CLSTN1: variants seen among roughly 807,000 people sequenced by gnomAD.
CLSTN1 encodes calsyntenin 1.
In CLSTN1, 28 loss-of-function variants were observed where a neutral mutation model predicts 108.3. The observed-to-expected ratio is 0.26, with a 90% CI of 0.19 to 0.35. CLSTN1 has a LOEUF of 0.35. CLSTN1 is among the 10% of genes least tolerant of loss of function. CLSTN1 has a pLI of 1.00. For synonymous variants in CLSTN1, 524 were observed against 534.9 expected (o/e 0.98, Z 0.28); for missense variants, 1,157 against 1,302.6 (o/e 0.89, Z 1.72).
intron 16 of CLSTN1, among the ~76,000 whole-genome samples, chr1:9,732,960 G>A (rs1167116417): frequency 6.6e-6 from 1 of 152,242 alleles, no homozygotes; most frequent in Non-Finnish European, 1.5e-5. Context: ...GGAGGCCAAG[G>A]CAAGTGGATT....
intron 1 of CLSTN1, among the ~76,000 whole-genome samples, chr1:9,811,002 T>G (rs1349456523): frequency 6.6e-6 from 1 of 152,160 alleles, no homozygotes; most frequent in African/African-American, 2.4e-5. Flanking sequence ...CACTGCCATA[T>G]GCATTACTTT....
chr1:9,776,074 G>A (rs1652930468), intron 1 of CLSTN1, among the ~76,000 whole-genome samples: 1 of 151,752 alleles, frequency 6.6e-6, no homozygotes, highest in Non-Finnish European at 1.5e-5. Context: ...TCAGGTTCAA[G>A]CAATTCTCCT....
chr1:9,813,895 C>G (rs887281657), intron 1 of CLSTN1, among the ~76,000 whole-genome samples: 1 of 151,384 alleles, frequency 6.6e-6, no homozygotes, highest in Non-Finnish European at 1.5e-5. Flanking sequence ...GTGAGGAGAT[C>G]GAGACCATCC....
At chr1:9,766,817 AC>A (rs1443320089) in intron 2 of CLSTN1, among the ~76,000 whole-genome samples, 1 of 152,220 alleles carries the variant, frequency 6.6e-6, no homozygotes, top group Non-Finnish European at 1.5e-5. Context: ...TCAGAATTTC[AC>A]CCCAAGGAAA....
At chr1:9,774,586 CT>C (rs1652847140) in intron 1 of CLSTN1, among the ~76,000 whole-genome samples, 1 of 151,736 alleles carries the variant, frequency 6.6e-6, no homozygotes, top group Non-Finnish European at 1.5e-5. Context: ...AAATAATCCA[CT>C]TTTGAGTTAG....
chr1:9,759,549 T>A (rs2101125341), intron 2 of CLSTN1, among the ~76,000 whole-genome samples: 1 of 152,372 alleles, frequency 6.6e-6, no homozygotes, highest in African/African-American at 2.4e-5. Context: ...CCCAAAGTGC[T>A]GAGATTACTG....
At chr1:9,731,648 G>T in intron 17 of CLSTN1, 113 bp downstream of exon 17, 2 of 1,112,876 alleles carry the variant, frequency 1.8e-6, no homozygotes, top group Non-Finnish European at 2.7e-6. Context: ...GGGAATAATT[G>T]GGACAGGGAA....
chr1:9,789,744 T>A (rs546885604), intron 1 of CLSTN1, among the ~76,000 whole-genome samples: 26 of 151,622 alleles, frequency 1.7e-4, no homozygotes, highest in African/African-American at 6.0e-4. Flanking sequence ...TTTGGGAGGC[T>A]AAGGAGAGTG....
intron 1 of CLSTN1, among the ~76,000 whole-genome samples, chr1:9,799,575 AC>A (rs1221935644): frequency 6.6e-6 from 1 of 151,272 alleles, no homozygotes; most frequent in Non-Finnish European, 1.5e-5. Context: ...CGGGAGGCAG[AC>A]TATGCAGTGA....
chr1:9,776,448 A>G (rs964280187), intron 1 of CLSTN1, among the ~76,000 whole-genome samples: 6 of 152,110 alleles, frequency 3.9e-5, no homozygotes, highest in African/African-American at 1.4e-4. Context: ...GTTGCACAAT[A>G]GTGTGAATGT....
chr1:9,734,860 C>A lies in CLSTN1; in HGVS notation c.2110+88G>T. Reference sequence around the variant, plus strand: ...GAAAGATTAAAACCTCCCCAAATCCCACAGAGACAAAGAGCCCCGCCAAGT... The same window carrying A: ...GAAAGATTAAAACCTCCCCAAATCCAACAGAGACAAAGAGCCCCGCCAAGT... On this transcript the variant is annotated intron_variant, in intron 14 of 18. Transcript: ENST00000377298. The surrounding 1 kb of genome is among the most constrained non-coding windows in gnomAD (Gnocchi z 4.8). 8.7e-7 allele frequency: 1 copy of A among 1,143,518 alleles called. No homozygotes were observed. The highest frequency in any genetic ancestry group is 1.3e-5 in the South Asian group (1 of 78,706). The allele number at this position is 1,143,518 out of a possible 1,614,324, so 70.8% of individuals were successfully genotyped here.
Position 9,730,734 on chromosome 1 carries a change from G to A in CLSTN1, c.2749-29C>T, listed in dbSNP as rs543526515. On this transcript the variant is annotated intron_variant, in intron 18 of 18. Coordinates refer to ENST00000377298, the MANE Select transcript of CLSTN1 (RefSeq NM_001009566.3). This position sits in a 1 kb window ranked among gnomAD's most constrained non-coding sequence, Gnocchi z 5.6. ...GCAAGGAGAAGTGACGGCCACATGA[G>A]TCCGGCCCTGCCCACAGCCCCGTCA... 1.5e-5 allele frequency: 24 copies of A among 1,560,066 alleles called. No homozygotes were observed. In the South Asian group the frequency reaches 2.8e-4, roughly 18 times the overall value.
chr1:9,763,749 G>A lies in CLSTN1; in HGVS notation c.215-7239C>T, dbSNP rs531825703. On this transcript the variant is annotated intron_variant, in intron 2 of 18. Transcript: ENST00000377298. ...AATCCTGTGCTCCTCTATACCCCAC[G>A]CCACACAAGCTGACCTGGTCACCTA... 5.9e-5 allele frequency among the ~76,000 whole-genome samples: 9 copies of A among 152,168 alleles called. No homozygotes were observed. The South Asian group carries it at 6.2e-4, about 11-fold the overall frequency.
intron 2 of CLSTN1, among the ~76,000 whole-genome samples, chr1:9,764,849 C>T (rs1652250600): frequency 6.6e-6 from 1 of 151,668 alleles, no homozygotes; most frequent in Non-Finnish European, 1.5e-5. Context: ...AACTTTTACA[C>T]TTTTTTTTAT....
intron 1 of CLSTN1, among the ~76,000 whole-genome samples, chr1:9,818,822 T>G (rs1227670637): frequency 7.2e-6 from 1 of 139,224 alleles, no homozygotes. Flanking sequence ...AGTCTCACTC[T>G]GTCGCCCAGG....
intron 1 of CLSTN1, among the ~76,000 whole-genome samples, chr1:9,818,617 G>T (rs933099585): frequency 6.6e-6 from 1 of 151,864 alleles, no homozygotes; most frequent in Non-Finnish European, 1.5e-5. Context: ...ATGAGCCACC[G>T]CGCCAGGCCT....
chr1:9,823,685 G>T lies in CLSTN1; in HGVS notation c.49C>A (p.Leu17Met). ...CCGCCGCCGCACAGCAGCCCGGCCAGCAGCAGCCGGGCGGCCGGGGCCAGC... is the reference window on the plus strand; with the variant it reads ...CCGCCGCCGCACAGCAGCCCGGCCATCAGCAGCCGGGCGGCCGGGGCCAGC... Reference protein sequence around the residue: ...PALAPAARLLLAGLLCGGGVW... With the variant: ...PALAPAARLLMAGLLCGGGVW... Residue 17 changes from leucine (L) to methionine (M), a missense_variant, in exon 1 of 19, where the codon CTG (leucine) becomes ATG (methionine). Physicochemically the swap from Leu to Met is conservative, Grantham distance 15 (BLOSUM62 2). Coordinates refer to ENST00000377298, the MANE Select transcript of CLSTN1 (RefSeq NM_001009566.3). This position sits in a 1 kb window ranked among gnomAD's most constrained non-coding sequence, Gnocchi z 6.3. The T allele has an allele frequency of 1.7e-6, 2 of 1,160,696 alleles. No individual in the cohort carries two copies. The highest frequency in any genetic ancestry group is 2.1e-6 in the Non-Finnish European group (2 of 941,776). The allele number at this position is 1,160,696 out of a possible 1,614,324, so 71.9% of individuals were successfully genotyped here.
chr1:9,737,986 G>A (rs1443111577), intron 10 of CLSTN1, among the ~76,000 whole-genome samples: 1 of 152,162 alleles, frequency 6.6e-6, no homozygotes, highest in Non-Finnish European at 1.5e-5. Context: ...AAGACACTGC[G>A]CAGACAAAAA....
chr1:9,797,450 A>T (rs1654060360), intron 1 of CLSTN1, among the ~76,000 whole-genome samples: 1 of 152,330 alleles, frequency 6.6e-6, no homozygotes, highest in East Asian at 1.9e-4. Context: ...CCTGGTCAAC[A>T]TTAATGAGAC....
Sources: gnomAD v4.1 joint callset for allele counts (sites outside exome capture counted in the v4.1 genomes callset) on GRCh38, gnomAD v4.1.1 for gene constraint, Gnocchi (gnomAD v3.1) non-coding constraint, MANE v1.5 for transcripts, NCBI Gene and HGNC (gene_info 2026-07-23, HGNC 2026-07-21) for gene names.